The following TNFAIP8 variants were observed in gnomAD, a reference collection of about 807,000 sequenced individuals.
The protein encoded by TNFAIP8 is TNF alpha induced protein 8.
A neutral mutation model predicts 13.3 loss-of-function variants in TNFAIP8; 7 were observed. The ratio of observed to expected loss-of-function variants is 0.52; its 90% confidence interval spans 0.30 to 0.99. The LOEUF (loss-of-function observed/expected upper bound fraction) is 0.99, where lower values mean the gene tolerates loss of function less well. Ranked by LOEUF, TNFAIP8 falls within the 50% of genes least tolerant of loss-of-function variation. TNFAIP8 has a pLI of 0.07. For missense variants in TNFAIP8, 258 were observed against 236.9 expected (o/e 1.09, Z -0.58); for synonymous variants, 94 against 87.6 (o/e 1.07, Z -0.41).
chr5:119,353,522 CAG>C (rs773605165), upstream of TNFAIP8, among the ~76,000 whole-genome samples: 10 of 152,180 alleles, frequency 6.6e-5, no homozygotes, highest in Non-Finnish European at 1.5e-4. Flanking sequence ...TGAGCTAAAA[CAG>C]AGCATTCTTC....
chr5:119,342,367 C>T (rs1356381679), intron 1 of TNFAIP8, among the ~76,000 whole-genome samples: 1 of 152,208 alleles, frequency 6.6e-6, no homozygotes, highest in East Asian at 1.9e-4. Flanking sequence ...AGACCCATGT[C>T]AGAGTCCACG....
chr5:119,346,724 T>C lies in TNFAIP8; in HGVS notation c.2-46092T>C, dbSNP rs80062960. Among the ~76,000 whole-genome samples the C allele has an allele frequency of 9.8e-4, 149 of 152,348 alleles. 3 individuals are homozygous for C. The East Asian group carries it at 0.028, about 29-fold the overall frequency. ...ACTGTGAATTCGCTTGAAATAGTCA[T>C]TCATGCAAGCATCTGAGAAATGTTG... On this transcript the variant is annotated intron_variant, in intron 1 of 1. Transcript: ENST00000274456.
chr5:119,393,186 A>T lies in TNFAIP8; in HGVS notation c.402A>T (p.Glu134Asp). Residue 134 changes from glutamate to aspartate, a missense_variant, in exon 2 of 2, where the codon GAA becomes GAT. Glu to Asp is a conservative substitution (Grantham distance 45). Transcript: ENST00000504771. ...ATGTGTTATCCAGGCTGTTAAATGA[A>T]TGCAGAGAGATGCTGCACCAAATCA... ...DRNVLSRLLNECREMLHQIIQ... is the reference protein window; with the variant it reads ...DRNVLSRLLNDCREMLHQIIQ... 1 of 1,614,036 alleles carries T rather than the reference A, an allele frequency of 6.2e-7. No individual in the cohort carries two copies. The highest frequency in any genetic ancestry group is 1.1e-5 in the South Asian group (1 of 91,086).
At chr5:119,306,928 T>C (rs966958038) in intron 1 of TNFAIP8, among the ~76,000 whole-genome samples, 1 of 152,236 alleles carries the variant, frequency 6.6e-6, no homozygotes, top group Non-Finnish European at 1.5e-5. Flanking sequence ...TTCCTATGCA[T>C]ATTAAGGCAT....
intron 1 of TNFAIP8, among the ~76,000 whole-genome samples, chr5:119,345,015 GTCTCA>G (rs1750853365): frequency 6.6e-6 from 1 of 152,090 alleles, no homozygotes; most frequent in Non-Finnish European, 1.5e-5. Context: ...ACCCTTAGTG[GTCTCA>G]GTAATTTTTT....
intron 1 of TNFAIP8, among the ~76,000 whole-genome samples, chr5:119,372,908 C>A (rs1215385988): frequency 6.6e-6 from 1 of 152,082 alleles, no homozygotes; most frequent in Non-Finnish European, 1.5e-5. Flanking sequence ...TTTCAGTGAG[C>A]CAAGATGGCG....
intron 1 of TNFAIP8, among the ~76,000 whole-genome samples, chr5:119,326,865 A>G (rs1750241161): frequency 6.6e-6 from 1 of 152,154 alleles, no homozygotes; most frequent in South Asian, 2.1e-4. Context: ...TGAGATATGG[A>G]GCCCTAGAAG....
At chr5:119,355,695 T>A, upstream of TNFAIP8, 1 of 306,892 alleles carries the variant, frequency 3.3e-6, no homozygotes, top group Non-Finnish European at 5.9e-6. Context: ...TTTCTTTTTA[T>A]ACCTTTTTTT....
intron 1 of TNFAIP8, among the ~76,000 whole-genome samples, chr5:119,362,791 CAAAAAAA>C (rs759223485): frequency 2.3e-5 from 3 of 130,390 alleles, no homozygotes; most frequent in Admixed American, 7.8e-5. Context: ...GATTCTGTCT[CAAAAAAA>C]AAAAAAGAAA....
intron 1 of TNFAIP8, among the ~76,000 whole-genome samples, chr5:119,289,701 C>G (rs1433916978): frequency 1.3e-5 from 2 of 152,266 alleles, no homozygotes; most frequent in East Asian, 1.9e-4. Context: ...TTGCCTTGCT[C>G]CAATGCCCAT....
At chr5:119,365,203 C>G (rs544284391) in intron 1 of TNFAIP8, among the ~76,000 whole-genome samples, 1 of 152,060 alleles carries the variant, frequency 6.6e-6, no homozygotes, top group African/African-American at 2.4e-5. Flanking sequence ...CCTCTCTCCT[C>G]GTATTTTTTT....
chr5:119,293,318 C>G (rs1222582901), intron 1 of TNFAIP8, among the ~76,000 whole-genome samples: 1 of 152,126 alleles, frequency 6.6e-6, no homozygotes, highest in East Asian at 1.9e-4. Flanking sequence ...TTCCTCCTGT[C>G]TAATTGAAAT....
chr5:119,306,934 G>A (rs752878792), intron 1 of TNFAIP8, among the ~76,000 whole-genome samples: 67 of 152,230 alleles, frequency 4.4e-4, no homozygotes, highest in Non-Finnish European at 8.1e-4. Flanking sequence ...TGCATATTAA[G>A]GCATGCACGT....
rs1323954314 is a variant in TNFAIP8 at position 119,362,642 on chromosome 5, A to T, written c.31+6521A>T. On this transcript the variant is annotated intron_variant, in intron 1 of 1. Coordinates refer to ENST00000504771, the MANE Select transcript of TNFAIP8 (RefSeq NM_014350.4). Reference sequence around the variant, plus strand: ...GAGACCCCCCATCTCTACAAAAAAAATTTAAAAATTAGGCACAGTGGAATG... The same window carrying T: ...GAGACCCCCCATCTCTACAAAAAAATTTTAAAAATTAGGCACAGTGGAATG... 2.0e-5 allele frequency among the ~76,000 whole-genome samples: 3 copies of T among 152,008 alleles called. 1 individual carries two copies. Among genetic ancestry groups the T allele is most frequent in the Non-Finnish European group, 4.4e-5 (3 of 68,002 alleles).
intron 1 of TNFAIP8, among the ~76,000 whole-genome samples, chr5:119,342,429 C>T (rs1750767678): frequency 1.3e-5 from 2 of 152,214 alleles, no homozygotes; most frequent in African/African-American, 2.4e-5. Flanking sequence ...CCTGCTTCCC[C>T]GTATTTGGTG....
intron 1 of TNFAIP8, 68 bp from the exon 2 acceptor site, chr5:119,392,748 T>C (rs1752939038): frequency 6.9e-7 from 1 of 1,451,808 alleles, no homozygotes; most frequent in Non-Finnish European, 9.1e-7. Context: ...AAATACCTGT[T>C]TTTAGTTCGC....
chr5:119,344,694 A>G (rs1393999807), intron 1 of TNFAIP8, among the ~76,000 whole-genome samples: 1 of 152,196 alleles, frequency 6.6e-6, no homozygotes, highest in South Asian at 2.1e-4. Flanking sequence ...TGATGGCTTT[A>G]CTGACTGCTG....
chr5:119,372,471 A>G (rs1259726556), intron 1 of TNFAIP8, among the ~76,000 whole-genome samples: 3 of 152,162 alleles, frequency 2.0e-5, no homozygotes, highest in Non-Finnish European at 4.4e-5. Context: ...ATAATATAAT[A>G]TTTTCCAAGA....
chr5:119,295,123 A>G (rs1749127369), intron 1 of TNFAIP8, among the ~76,000 whole-genome samples: 1 of 151,654 alleles, frequency 6.6e-6, no homozygotes, highest in East Asian at 1.9e-4. Context: ...GCCCGTGCCT[A>G]TGTCCTCAAT....
Sources: allele counts gnomAD v4.1 joint callset (sites outside exome capture counted in the v4.1 genomes callset), GRCh38; gene constraint gnomAD v4.1.1; transcripts MANE v1.5; gene names NCBI Gene and HGNC (gene_info 2026-07-23, HGNC 2026-07-21).